The following RIMS2 variants were observed in gnomAD, a reference collection of about 807,000 sequenced individuals.
The protein encoded by RIMS2 is regulating synaptic membrane exocytosis 2, also known as regulating synaptic membrane exocytosis protein 2.
A neutral mutation model predicts 174.4 loss-of-function variants in RIMS2; 59 were observed. The ratio of observed to expected loss-of-function variants is 0.34; its 90% CI spans 0.27 to 0.42. RIMS2 has a LOEUF of 0.42. Ranked by LOEUF, RIMS2 falls within the 10% of genes least tolerant of loss-of-function variation. The pLI, the probability that RIMS2 is intolerant of heterozygous loss-of-function variation, is 1.00. For missense variants in RIMS2, 1,620 were observed against 1,666.3 expected, an observed-to-expected ratio of 0.97 and a Z score of 0.48; for synonymous variants, 606 against 572.5, an observed-to-expected ratio of 1.06 and a Z score of -0.84.
intron 3 of RIMS2, among the ~76,000 whole-genome samples, chr8:103,786,738 G>A (rs1352386415): frequency 6.6e-6 from 1 of 152,210 alleles, no homozygotes; most frequent in Admixed American, 6.5e-5. Context: ...TGAAAAAAAT[G>A]TATATTCTGT....
intron 19 of RIMS2, among the ~76,000 whole-genome samples, chr8:104,099,722 A>T (rs1311626611): frequency 2.6e-5 from 4 of 152,204 alleles, no homozygotes; most frequent in African/African-American, 9.6e-5. Flanking sequence ...TAAGAATATT[A>T]AGTCTTCTAA....
chr8:104,100,977 T>G (rs189799720), intron 19 of RIMS2, among the ~76,000 whole-genome samples: 1 of 115,026 alleles, frequency 8.7e-6, no homozygotes, highest in African/African-American at 4.1e-5. Context: ...ATAGTATATA[T>G]GATATATTAT....
At chr8:103,696,143 A>G (rs1521058) in intron 1 of RIMS2, among the ~76,000 whole-genome samples, 26,765 of 151,516 alleles carry the variant, frequency 0.18, 2,562 homozygotes, top group African/African-American at 0.24. Flanking sequence ...TTCCCCACCT[A>G]TTTTTCTTTT....
At chr8:103,889,070 A>G (rs1229060739) in intron 4 of RIMS2, among the ~76,000 whole-genome samples, 1 of 151,596 alleles carries the variant, frequency 6.6e-6, no homozygotes, top group Non-Finnish European at 1.5e-5. Context: ...TTATGTCTTG[A>G]CTTTTCATCA....
chr8:104,096,576 A>G (rs2097766142), intron 19 of RIMS2, among the ~76,000 whole-genome samples: 1 of 152,314 alleles, frequency 6.6e-6, no homozygotes, highest in African/African-American at 2.4e-5. Flanking sequence ...ATTGCTTATA[A>G]GAAAATGTTG....
chr8:103,632,740 T>TC (rs2095965806), intron 1 of RIMS2, among the ~76,000 whole-genome samples: 1 of 137,348 alleles, frequency 7.3e-6, no homozygotes, highest in Non-Finnish European at 1.6e-5. Context: ...GATTTTTTTT[T>TC]TTTTTTTTTT....
intron 19 of RIMS2, among the ~76,000 whole-genome samples, chr8:104,169,924 A>T (rs2135380594): frequency 6.6e-6 from 1 of 152,210 alleles, no homozygotes; most frequent in African/African-American, 2.4e-5. Flanking sequence ...TGTTAACCCA[A>T]AAATGATTCA....
At chr8:104,227,332 G>C (rs1451719612) in intron 19 of RIMS2, among the ~76,000 whole-genome samples, 2 of 147,650 alleles carry the variant, frequency 1.4e-5, no homozygotes, top group African/African-American at 5.0e-5. Context: ...TTATTTAACA[G>C]TTTATAAATT....
chr8:104,012,894 T>C (rs59358264), intron 17 of RIMS2, among the ~76,000 whole-genome samples: 26,749 of 152,076 alleles, frequency 0.18, 2,612 homozygotes, highest in Non-Finnish European at 0.21. Flanking sequence ...TACAGAGTGA[T>C]TTTTCTTGTG....
At chr8:103,553,436 G>T (rs149762321) in intron 1 of RIMS2, among the ~76,000 whole-genome samples, 10 of 151,966 alleles carry the variant, frequency 6.6e-5, no homozygotes, top group Non-Finnish European at 1.5e-4. Context: ...TCAAACACTG[G>T]GACCTGTCAT....
At chr8:104,069,774 G>C (rs1345775140) in intron 19 of RIMS2, among the ~76,000 whole-genome samples, 1 of 151,990 alleles carries the variant, frequency 6.6e-6, no homozygotes, top group African/African-American at 2.4e-5. Flanking sequence ...CTATTTCATT[G>C]TTCTTGTACT....
At chr8:103,669,356 G>A (rs1260901323) in intron 1 of RIMS2, among the ~76,000 whole-genome samples, 1 of 152,148 alleles carries the variant, frequency 6.6e-6, no homozygotes, top group African/African-American at 2.4e-5. Context: ...GGACATAGCT[G>A]TACCATATCA....
At chr8:103,853,189 A>AT (rs887584584) in intron 3 of RIMS2, among the ~76,000 whole-genome samples, 1 of 151,676 alleles carries the variant, frequency 6.6e-6, no homozygotes, top group African/African-American at 2.4e-5. Context: ...GATGCTGAGC[A>AT]TTTTTTTTGT....
intron 3 of RIMS2, 43 bp downstream of exon 6, chr8:103,766,580 G>T: frequency 7.6e-7 from 1 of 1,313,872 alleles, no homozygotes; most frequent in South Asian, 1.3e-5. Context: ...ATTACTTTTA[G>T]TCTTCATTCC....
At chr8:104,196,624 G>A (rs2099025782) in intron 19 of RIMS2, among the ~76,000 whole-genome samples, 1 of 152,066 alleles carries the variant, frequency 6.6e-6, no homozygotes, top group Non-Finnish European at 1.5e-5. Context: ...TGATAGTACA[G>A]TTTTTCACTG....
chr8:103,893,609 G>GT (rs1223526239), intron 4 of RIMS2, among the ~76,000 whole-genome samples: 1 of 151,976 alleles, frequency 6.6e-6, no homozygotes, highest in Non-Finnish European at 1.5e-5. Context: ...AACTTGGAAT[G>GT]TTTTTTACAT....
chr8:103,554,393 T>C (rs1479566286), intron 1 of RIMS2, among the ~76,000 whole-genome samples: 6 of 152,040 alleles, frequency 3.9e-5, no homozygotes, highest in Admixed American at 3.9e-4. Flanking sequence ...CATGAACAGA[T>C]GCTTTTCAAA....
chr8:103,912,111 T>C (rs2075785096), exon 6 of RIMS2: 1 of 1,607,176 alleles, frequency 6.2e-7, no homozygotes, highest in Admixed American at 1.7e-5. Context: ...CGCATTTTAT[T>C]AAATAAGCGT....
chr8:103,915,041 C>A (rs2076396720), intron 6 of RIMS2, among the ~76,000 whole-genome samples: 1 of 151,822 alleles, frequency 6.6e-6, no homozygotes, highest in Admixed American at 6.6e-5. Context: ...CATCATTAAG[C>A]ACATTATCAG....
Sources: gnomAD v4.1 joint callset for allele counts (sites outside exome capture counted in the v4.1 genomes callset) on GRCh38, gnomAD v4.1.1 for gene constraint, MANE v1.5 for transcripts, NCBI Gene and HGNC (gene_info 2026-07-23, HGNC 2026-07-21) for gene names.